Variants in CLDN1 observed in about 807,000 individuals in gnomAD.
The protein encoded by CLDN1 is claudin-1.
In CLDN1, 12 loss-of-function variants were observed where a neutral mutation model predicts 22.6. That is an observed-to-expected ratio of 0.53 (90% CI 0.34 to 0.86). CLDN1 has a LOEUF of 0.86. Ranked by LOEUF, CLDN1 falls within the 40% of genes least tolerant of loss-of-function variation. The pLI is 0.02. For missense variants in CLDN1, 250 were observed against 269.5 expected (o/e 0.93, Z 0.51); for synonymous variants, 99 against 103.8 (o/e 0.95, Z 0.28).
chr3:190,316,952 T>C (rs1431704048), intron 1 of CLDN1, among the ~76,000 whole-genome samples: 2 of 152,340 alleles, frequency 1.3e-5, no homozygotes, highest in Non-Finnish European at 1.5e-5. Flanking sequence ...ATACAAATTG[T>C]ACTTTTTGCT....
chr3:190,321,037 T>C (rs139931474), intron 1 of CLDN1, among the ~76,000 whole-genome samples: 26 of 152,302 alleles, frequency 1.7e-4, no homozygotes, highest in African/African-American at 6.0e-4. Context: ...TATACAATCC[T>C]TTCCAGTTTT....
In CLDN1 at chr3:190,307,837, AAG is replaced by A. The variant is rs1255761429; in HGVS notation, c.*438_*439del. ...GTTACATATGTATATATAGACGAAA[AAG>A]AAAATATACCAATAAACATCTTCAT... On this transcript the variant is annotated 3_prime_UTR_variant, in exon 4 of 4. Transcript: ENST00000295522. 1 of 160,914 alleles carries A rather than the reference AAG, an allele frequency of 6.2e-6. No individual in the cohort carries two copies. The highest frequency in any genetic ancestry group is 1.8e-4 in the East Asian group (1 of 5,588). The allele number at this position is 160,914 out of a possible 1,614,324, so 10.0% of individuals were successfully genotyped here.
chr3:190,315,515 G>A (rs1257669794), intron 1 of CLDN1, among the ~76,000 whole-genome samples: 4 of 152,024 alleles, frequency 2.6e-5, no homozygotes, highest in Non-Finnish European at 4.4e-5. Flanking sequence ...TTGAGAAAGG[G>A]GCGACATGAT....
At chr3:190,311,486 C>T (rs528783962) in intron 2 of CLDN1, among the ~76,000 whole-genome samples, 56 of 152,166 alleles carry the variant, frequency 3.7e-4, no homozygotes, top group South Asian at 2.1e-3. Flanking sequence ...GTTAAACTGA[C>T]ATATTATACT....
chr3:190,310,556 T>A (rs1420191122), intron 2 of CLDN1, among the ~76,000 whole-genome samples: 1 of 152,230 alleles, frequency 6.6e-6, no homozygotes, highest in Non-Finnish European at 1.5e-5. Context: ...CTTTTAAATA[T>A]GCTGTTATAC....
rs762384474 is a variant in CLDN1, at chr3:190,312,910, C to T, written c.350G>A (p.Arg117Lys). Residue 117 changes from arginine (R) to lysine (K), a missense_variant, in exon 2 of 4, where the codon AGG (arginine) becomes AAG (lysine). Coordinates refer to ENST00000295522, the MANE Select transcript of CLDN1 (RefSeq NM_021101.5). ...CLEDDEVQKMRMAVIGGAIFL... is the reference protein window; with the variant it reads ...CLEDDEVQKMKMAVIGGAIFL... ...TATCGCACCCCCAATGACAGCCATC[C>T]TCATCTTCTGCACCTCATCGTCTTC... 12 of 1,614,214 alleles carry T rather than the reference C, an allele frequency of 7.4e-6. No individual in the cohort carries two copies. The highest frequency in any genetic ancestry group is 1.0e-5 in the Non-Finnish European group (12 of 1,180,030).
intron 1 of CLDN1, among the ~76,000 whole-genome samples, chr3:190,316,333 C>T (rs890392256): frequency 1.3e-5 from 2 of 152,128 alleles, no homozygotes; most frequent in Non-Finnish European, 2.9e-5. Flanking sequence ...TTGCATCAAA[C>T]CCAAAATCTT....
intron 2 of CLDN1, among the ~76,000 whole-genome samples, chr3:190,310,483 A>G (rs3774028): frequency 1.3e-5 from 2 of 152,158 alleles, no homozygotes; most frequent in East Asian, 3.9e-4. Flanking sequence ...CTTTTTTATG[A>G]TATCTTGGCA....
At chr3:190,314,598 T>G (rs761285045) in intron 1 of CLDN1, among the ~76,000 whole-genome samples, 25 of 151,768 alleles carry the variant, frequency 1.6e-4, no homozygotes, top group Non-Finnish European at 3.1e-4. Context: ...AGAGATGGGT[T>G]TCACCATGTT....
chr3:190,306,045 C>T lies in CLDN1; in HGVS notation c.*2232G>A, dbSNP rs1369923695. On this transcript the variant is annotated 3_prime_UTR_variant, in exon 4 of 4. Coordinates refer to ENST00000295522, the MANE Select transcript of CLDN1 (RefSeq NM_021101.5). ...TTATTAGGTCCAATTCCTCATAAGA[C>T]ACAGTGGCTGACTTTCCTTGTGTAG... is the stretch of plus-strand genomic sequence containing the variant. 6.6e-6 allele frequency: 1 copy of T among 152,218 alleles called. No homozygotes were observed. The highest frequency in any genetic ancestry group is 2.4e-5 in the African/African-American group (1 of 41,460). The allele number at this position is 152,218 out of a possible 1,614,324, so 9.4% of individuals were successfully genotyped here. A position where few individuals can be genotyped will look rare whatever the true frequency, so the allele number is the denominator to read the frequency against.
intron 1 of CLDN1, among the ~76,000 whole-genome samples, chr3:190,320,033 G>A (rs1716875938): frequency 6.6e-6 from 1 of 152,088 alleles, no homozygotes; most frequent in African/African-American, 2.4e-5. Context: ...ATTCTGATCT[G>A]GAGTTTTAAA....
rs1488829944 is a variant in CLDN1 at position 190,314,804 on chromosome 3, A to G, written c.224-1768T>C. Reference sequence around the variant, plus strand: ...TTACTTGATTTCATTTAAAAATAAAAAAGAGACTTCCTGATTCCCCTCACA... The same window carrying G: ...TTACTTGATTTCATTTAAAAATAAAGAAGAGACTTCCTGATTCCCCTCACA... On this transcript the variant is annotated intron_variant, in intron 1 of 3. Transcript: ENST00000295522. 3.3e-5 allele frequency among the ~76,000 whole-genome samples: 5 copies of G among 152,170 alleles called. No homozygotes were observed. The South Asian group carries it at 8.3e-4, about 25-fold the overall frequency.
At chr3:190,315,354 G>T (rs1316703031) in intron 1 of CLDN1, among the ~76,000 whole-genome samples, 2 of 152,168 alleles carry the variant, frequency 1.3e-5, no homozygotes, top group African/African-American at 4.8e-5. Flanking sequence ...CAAATTGGGA[G>T]AGCTGGTCAT....
rs931597668 is a variant in CLDN1, at chr3:190,305,830, A to T, written c.*2447T>A. The T allele has an allele frequency of 2.0e-5, 3 of 152,204 alleles. No homozygotes were observed. The highest frequency in any genetic ancestry group is 4.4e-5 in the Non-Finnish European group (3 of 68,036). The allele number at this position is 152,204 out of a possible 1,614,324, so 9.4% of individuals were successfully genotyped here. A position where few individuals can be genotyped will look rare whatever the true frequency, so the allele number is the denominator to read the frequency against. On this transcript the variant is annotated 3_prime_UTR_variant, in exon 4 of 4. Coordinates refer to ENST00000295522, the MANE Select transcript of CLDN1 (RefSeq NM_021101.5). ...TGGTAGAAGAATATAAAAAGATCAA[A>T]ATTGGATAAATTCTATTGTAACAAT...
chr3:190,315,726 A>T (rs1716747925), intron 1 of CLDN1, among the ~76,000 whole-genome samples: 1 of 152,100 alleles, frequency 6.6e-6, no homozygotes, highest in Non-Finnish European at 1.5e-5. Context: ...TGGGGCCCCA[A>T]ACTGGACCAG....
chr3:190,322,428 C>T lies in CLDN1; in HGVS notation c.-222G>A. The T allele has an allele frequency of 1.7e-6, 1 of 588,574 alleles. No homozygotes were observed. The highest frequency in any genetic ancestry group is 3.0e-6 in the Non-Finnish European group (1 of 328,940). The allele number at this position is 588,574 out of a possible 1,614,324, so 36.5% of individuals were successfully genotyped here. On this transcript the variant is annotated 5_prime_UTR_variant, in exon 1 of 4. Coordinates refer to ENST00000295522, the MANE Select transcript of CLDN1 (RefSeq NM_021101.5). ...GGATACTAGAAGCTGCGGTTGCTCC[C>T]AGGCTCGGGAACTGAGACGCAGAAC...
At chr3:190,308,608 T>C (rs1716526377) in intron 3 of CLDN1, among the ~76,000 whole-genome samples, 169 bp from the exon 4 acceptor site, 1 of 152,164 alleles carries the variant, frequency 6.6e-6, no homozygotes, top group Non-Finnish European at 1.5e-5. Context: ...CCAAAGAATG[T>C]TTATATTGCA....
chr3:190,322,109 T>A lies in CLDN1; in HGVS notation c.98A>T (p.Tyr33Phe). 4 of 1,613,934 alleles carry A rather than the reference T, an allele frequency of 2.5e-6. No homozygotes were observed. The highest frequency in any genetic ancestry group is 3.4e-6 in the Non-Finnish European group (4 of 1,179,974). ...CACGATGTTGTCGCCGGCATAGGAG[T>A]AAATCCTCCACTGGGGCAGGGCAGT... ...VSTALPQWRI[Y>F]SYAGDNIVTA... is the part of the protein sequence containing the mutation. The change falls in exon 1 of 4, where the codon TAC (tyrosine) becomes TTC (phenylalanine). Residue 33 changes from tyrosine to phenylalanine, a missense_variant. Tyr to Phe is a conservative substitution (Grantham distance 22, BLOSUM62 3). Transcript: ENST00000295522.
intron 1 of CLDN1, among the ~76,000 whole-genome samples, chr3:190,313,709 GT>G (rs150967910): frequency 0.093 from 14,100 of 152,096 alleles, 1,337 homozygotes; most frequent in African/African-American, 0.24. Flanking sequence ...GACATCACTA[GT>G]TTTTTAAAAC....
Sources: allele counts gnomAD v4.1 joint callset (sites outside exome capture counted in the v4.1 genomes callset), GRCh38; gene constraint gnomAD v4.1.1; transcripts MANE v1.5; gene names NCBI Gene and HGNC (gene_info 2026-07-23, HGNC 2026-07-21).